Variants in PSMG2 observed in about 807,000 individuals in gnomAD.
PSMG2 encodes CD40 ligand-activated specific transcript 3.
In PSMG2, 21 loss-of-function variants were observed where a neutral mutation model predicts 31.5. The observed-to-expected ratio is 0.67, with a 90% CI of 0.47 to 0.96. The LOEUF is 0.96. Among genes scored for constraint, PSMG2 ranks in the 40% least tolerant of loss-of-function variants. The pLI, the probability that PSMG2 is intolerant of heterozygous loss-of-function variation, is 0.00. For synonymous variants in PSMG2, 120 were observed against 110.4 expected (o/e 1.09, Z -0.54); for missense variants, 318 against 321.2 (o/e 0.99, Z 0.08).
rs1287125465 is a variant in PSMG2, at chr18:12,720,416, T to C, written c.408-94T>C. The C allele has an allele frequency of 3.9e-6, 4 of 1,034,284 alleles. No individual in the cohort carries two copies. In the Admixed American group the frequency reaches 1.2e-4, roughly 32 times the overall value. 64.1% of individuals were successfully genotyped at this position (1,034,284 alleles called of 1,614,324 possible). A position where few individuals can be genotyped will look rare whatever the true frequency, so the allele number is the denominator to read the frequency against. ...TCTGCTGAAACTTGTGTTTTGCCTGTGCAGCAGAATATATGGAGACCAAGA... is the reference window on the plus strand; with the variant it reads ...TCTGCTGAAACTTGTGTTTTGCCTGCGCAGCAGAATATATGGAGACCAAGA... On this transcript the variant is annotated intron_variant, in intron 4 of 6. Transcript: ENST00000317615.
intron 1 of PSMG2, among the ~76,000 whole-genome samples, chr18:12,677,426 C>CA (rs1362909868): frequency 7.2e-6 from 1 of 139,748 alleles, no homozygotes; most frequent in East Asian, 2.1e-4. Context: ...CACTGCGCTC[C>CA]AGCCTGGGTG....
intron 3 of PSMG2, among the ~76,000 whole-genome samples, chr18:12,714,434 G>C (rs970250054): frequency 3.3e-5 from 5 of 149,454 alleles, no homozygotes; most frequent in African/African-American, 1.2e-4. Context: ...CTCCTTTACT[G>C]TTTTCTTAAA....
intron 1 of PSMG2, chr18:12,691,529 C>CT: frequency 7.0e-7 from 1 of 1,422,434 alleles, no homozygotes; most frequent in Non-Finnish European, 9.7e-7. Context: ...TATTCATTAT[C>CT]TTTAATTACT....
intron 1 of PSMG2, among the ~76,000 whole-genome samples, chr18:12,679,743 T>G (rs893502579): frequency 1.3e-5 from 2 of 152,172 alleles, no homozygotes; most frequent in African/African-American, 4.8e-5. Context: ...GAACTTATTT[T>G]CAGACTTAGG....
At chr18:12,686,063 T>C (rs561779180) in intron 1 of PSMG2, 111 of 463,544 alleles carry the variant, frequency 2.4e-4, no homozygotes, top group African/African-American at 1.9e-3. Context: ...TTTTAATTTG[T>C]ACTATTTTTT....
chr18:12,708,909 G>T (rs759981326), intron 2 of PSMG2, among the ~76,000 whole-genome samples: 1 of 148,836 alleles, frequency 6.7e-6, no homozygotes, highest in Non-Finnish European at 1.5e-5. Flanking sequence ...ATGGGGTTTC[G>T]CCATGTTGGC....
upstream of PSMG2, chr18:12,702,431 G>T: frequency 7.3e-7 from 1 of 1,376,256 alleles, no homozygotes; most frequent in Non-Finnish European, 1.0e-6. Context: ...CGCCGGGCAG[G>T]AGGGAAAGGT....
chr18:12,687,926 T>G (rs12969300), intron 1 of PSMG2, among the ~76,000 whole-genome samples: 36,018 of 151,864 alleles, frequency 0.24, 4,957 homozygotes, highest in Non-Finnish European at 0.32. Context: ...AATCCTCAAG[T>G]GATTTACAAC....
intron 1 of PSMG2, chr18:12,686,130 C>G: frequency 1.8e-6 from 1 of 567,404 alleles, no homozygotes; most frequent in Non-Finnish European, 2.9e-6. Flanking sequence ...GTTGAATCTA[C>G]AGATACAGAA....
At chr18:12,672,047 T>C (rs2038961779) in intron 1 of PSMG2, among the ~76,000 whole-genome samples, 1 of 151,876 alleles carries the variant, frequency 6.6e-6, no homozygotes, top group Admixed American at 6.6e-5. Context: ...CTTGAACCCC[T>C]GACCTCGTGA....
chr18:12,712,585 A>G (rs1381331993), intron 2 of PSMG2, 117 bp from the exon 3 acceptor site: 8 of 719,588 alleles, frequency 1.1e-5, no homozygotes, highest in Non-Finnish European at 1.8e-5. Flanking sequence ...TCCGTATTTT[A>G]ATTATTGAAA....
chr18:12,673,303 G>C (rs2038995322), intron 1 of PSMG2: 4 of 1,549,266 alleles, frequency 2.6e-6, no homozygotes, highest in African/African-American at 1.4e-5. Flanking sequence ...AAATAGCTAA[G>C]TAATGTACAA....
intron 1 of PSMG2, among the ~76,000 whole-genome samples, chr18:12,667,291 C>CA (rs1568004352): frequency 2.0e-5 from 3 of 151,938 alleles, no homozygotes; most frequent in Admixed American, 6.6e-5. Flanking sequence ...CTTGTCTCTA[C>CA]AAAAAAATTT....
intron 5 of PSMG2, among the ~76,000 whole-genome samples, chr18:12,721,938 C>T (rs2040434622): frequency 6.6e-6 from 1 of 152,040 alleles, no homozygotes; most frequent in South Asian, 2.1e-4. Context: ...CATTTTCACT[C>T]ATCTCAGTAT....
chr18:12,659,117 A>T (rs899102100), intron 1 of PSMG2, among the ~76,000 whole-genome samples: 1 of 152,224 alleles, frequency 6.6e-6, no homozygotes, highest in African/African-American at 2.4e-5. Context: ...AATTCCACTG[A>T]GGCTAGTCCT....
chr18:12,724,210 T>C (rs539479484), intron 5 of PSMG2: 1 of 282,838 alleles, frequency 3.5e-6, no homozygotes, highest in Admixed American at 5.2e-5. Flanking sequence ...GTTTGGGGAG[T>C]AGGTCAGAAC....
chr18:12,686,404 A>C, intron 1 of PSMG2: 5 of 1,614,112 alleles, frequency 3.1e-6, no homozygotes, highest in Non-Finnish European at 4.2e-6. Flanking sequence ...TCCAGCTCGA[A>C]GTGGTTTAAC....
At position 12,718,622 on chromosome 18, in the gene PSMG2, C is replaced by A; in HGVS notation, c.394C>A (p.Leu132Met). The change falls in exon 4 of 7, where the codon CTG becomes ATG. Residue 132 changes from leucine (L) to methionine (M), a missense_variant. Leu to Met is a conservative substitution (Grantham distance 15). Transcript: ENST00000317615. ...SSSHSYQRND[L>M]QLRSTPFRYL... ...CAGTCATTCATATCAGCGTAATGAT[C>A]TGCAGCTTCGTAGGTATGTTTCTGC... 1 of 1,600,198 alleles carries A rather than the reference C, an allele frequency of 6.2e-7. No individual in the cohort carries two copies. The highest frequency in any genetic ancestry group is 8.5e-7 in the Non-Finnish European group (1 of 1,170,446).
intron 1 of PSMG2, among the ~76,000 whole-genome samples, chr18:12,683,191 A>AAAAAAAAAAAAAAC (rs1408979107): frequency 6.9e-6 from 1 of 145,718 alleles, no homozygotes; most frequent in Non-Finnish European, 1.5e-5. Flanking sequence ...AATACCAAAA[A>AAAAAAAAAAAAAAC]AAAAAAAAAA....
Sources: allele counts gnomAD v4.1 joint callset (sites outside exome capture counted in the v4.1 genomes callset), GRCh38; gene constraint gnomAD v4.1.1; transcripts MANE v1.5; gene names NCBI Gene and HGNC (gene_info 2026-07-23, HGNC 2026-07-21).